The following ASNS variants were observed in gnomAD, a reference collection of about 807,000 sequenced individuals.
ASNS encodes the protein asparagine synthetase [glutamine-hydrolyzing].
Under a neutral mutation model 62.6 loss-of-function variants are expected in ASNS, and 37 were observed. The observed-to-expected ratio is 0.59, with a 90% CI of 0.45 to 0.78. ASNS has a LOEUF of 0.78. Ranked by LOEUF, ASNS falls within the 30% of genes least tolerant of loss-of-function variation. ASNS has a pLI of 0.00. For synonymous variants in ASNS, 207 were observed against 237.9 expected, an observed-to-expected ratio of 0.87 and a Z score of 1.19; for missense variants, 520 against 682.4, an observed-to-expected ratio of 0.76 and a Z score of 2.65.
Position 97,856,902 on chromosome 7 carries a change from T to C in ASNS, c.904-86A>G, listed in dbSNP as rs574181843. The C allele has an allele frequency of 6.8e-6, 9 of 1,322,132 alleles. No homozygotes were observed. In the African/African-American group the frequency reaches 1.2e-4, roughly 17 times the overall value. The allele number at this position is 1,322,132 out of a possible 1,614,324, so 81.9% of individuals were successfully genotyped here. On this transcript the variant is annotated intron_variant, in intron 7 of 12. Transcript: ENST00000394308. ...AACATGATGGGAGTTCACAAAGCTT[T>C]ATGAATTAACAATGGTGAAAACTAA...
In ASNS at chr7:97,851,677, T is replaced by C. The variant is rs7803055; in HGVS notation, c.*582A>G. 0.11 allele frequency: 17,270 copies of C among 152,824 alleles called. 1,048 individuals are homozygous for C. Among genetic ancestry groups the C allele is most frequent in the South Asian group, 0.21 (1,018 of 4,848 alleles). 9.5% of individuals were successfully genotyped at this position (152,824 alleles called of 1,614,324 possible). ...CAAAAGAGGTCCACAAAGCCTAAAA[T>C]ATTTACTATCTGGCTCTTTATTAAA... On this transcript the variant is annotated 3_prime_UTR_variant, in exon 13 of 13. Coordinates refer to ENST00000394308, the MANE Select transcript of ASNS (RefSeq NM_001673.5).
At chr7:97,879,771 G>C in the ASNS span, among the ~76,000 whole-genome samples, 1 of 152,200 alleles carries the variant, frequency 6.6e-6, no homozygotes, top group Non-Finnish European at 1.5e-5. Context: ...CAGAAACCAC[G>C]TAGTGATAAC....
intron 4 of ASNS, among the ~76,000 whole-genome samples, chr7:97,862,391 G>A (rs1466656100): frequency 1.3e-5 from 2 of 152,114 alleles, no homozygotes; most frequent in African/African-American, 2.4e-5. Flanking sequence ...ACTATTATAC[G>A]ACATTCTGGG....
intron 3 of ASNS, 122 bp from the exon 4 acceptor site, chr7:97,864,618 A>C: frequency 2.8e-6 from 2 of 707,840 alleles, no homozygotes; most frequent in Middle Eastern, 3.1e-4. Context: ...TTGGTGATTT[A>C]GGAGAATCAC....
At chr7:97,917,843 A>G in the ASNS span, among the ~76,000 whole-genome samples, 1 of 152,368 alleles carries the variant, frequency 6.6e-6, no homozygotes, top group South Asian at 2.1e-4. Context: ...ACACGTGCTG[A>G]CTGCGCACAA....
chr7:97,920,371 C>T, the ASNS span, among the ~76,000 whole-genome samples: 1 of 151,952 alleles, frequency 6.6e-6, no homozygotes, highest in African/African-American at 2.4e-5. Context: ...CCGTCCTGCC[C>T]CCCTCCAGAG....
chr7:97,891,020 G>A, the ASNS span, among the ~76,000 whole-genome samples: 28 of 152,132 alleles, frequency 1.8e-4, no homozygotes, highest in African/African-American at 6.8e-4. Context: ...AAGGAACAAA[G>A]GTGTATTAGT....
rs574765660 is a variant in ASNS at position 97,853,522 on chromosome 7, T to C, written c.1239-136A>G. On this transcript the variant is annotated intron_variant, in intron 10 of 12. Transcript: ENST00000394308. ...GTCATACAGTCACATACAAGCCTCCTAATGACTGCCCTACACTAATGAATA... is the reference window on the plus strand; with the variant it reads ...GTCATACAGTCACATACAAGCCTCCCAATGACTGCCCTACACTAATGAATA... The C allele has an allele frequency of 4.1e-4, 272 of 663,882 alleles. 1 individual carries two copies. The highest frequency in any genetic ancestry group is 6.4e-4 in the Non-Finnish European group (248 of 390,304). 41.1% of individuals were successfully genotyped at this position (663,882 alleles called of 1,614,324 possible).
At chr7:97,864,124 T>TA (rs1562820147) in intron 4 of ASNS, 135 bp downstream of exon 4, 8 of 738,678 alleles carry the variant, frequency 1.1e-5, no homozygotes, top group African/African-American at 5.3e-5. Flanking sequence ...TCTGTTTTTT[T>TA]AAAAAAAGGT....
chr7:97,897,561 T>C, the ASNS span, among the ~76,000 whole-genome samples: 1 of 152,126 alleles, frequency 6.6e-6, no homozygotes, highest in African/African-American at 2.4e-5. Flanking sequence ...CAATGAGATA[T>C]CATCACACAC....
the ASNS span, among the ~76,000 whole-genome samples, chr7:97,888,267 C>T: frequency 6.6e-6 from 1 of 152,142 alleles, no homozygotes; most frequent in East Asian, 1.9e-4. Context: ...AGCCACCACA[C>T]CCAGCCTCTT....
the ASNS span, among the ~76,000 whole-genome samples, chr7:97,889,314 C>T: frequency 3.9e-5 from 6 of 151,988 alleles, no homozygotes; most frequent in East Asian, 1.9e-4. Context: ...GTCAGGAGTT[C>T]GAGAGCAGCC....
the ASNS span, among the ~76,000 whole-genome samples, chr7:97,924,998 G>T: frequency 3.3e-5 from 5 of 152,094 alleles, no homozygotes; most frequent in Non-Finnish European, 5.9e-5. Context: ...TTAGCCAGGT[G>T]TGGTGGTGGG....
At chr7:97,910,467 T>C in the ASNS span, among the ~76,000 whole-genome samples, 1 of 152,140 alleles carries the variant, frequency 6.6e-6, no homozygotes, top group Non-Finnish European at 1.5e-5. Flanking sequence ...ATGGGCTTTA[T>C]TGGGATCAGA....
the ASNS span, among the ~76,000 whole-genome samples, chr7:97,880,268 G>A: frequency 1.3e-5 from 2 of 151,784 alleles, no homozygotes; most frequent in African/African-American, 4.8e-5. Flanking sequence ...GAGATCAAAG[G>A]TGTGCATCAC....
chr7:97,923,279 A>G, the ASNS span, among the ~76,000 whole-genome samples: 8 of 150,400 alleles, frequency 5.3e-5, no homozygotes, highest in South Asian at 1.7e-3. Flanking sequence ...GTGTTTGAAA[A>G]TATTTCATAA....
At chr7:97,856,035 AC>A (rs1013136434) in intron 8 of ASNS, among the ~76,000 whole-genome samples, 5 of 151,828 alleles carry the variant, frequency 3.3e-5, no homozygotes, top group African/African-American at 1.2e-4. Context: ...TCCTAACCTC[AC>A]CCCAGCCCCA....
At chr7:97,870,345 G>GT (rs926859538) in intron 1 of ASNS, 148 of 376,338 alleles carry the variant, frequency 3.9e-4, no homozygotes, top group South Asian at 9.7e-4. Flanking sequence ...CTATTTTGGT[G>GT]TTTTTTTTAA....
chr7:97,851,843 A>C lies in ASNS; in HGVS notation c.*416T>G, dbSNP rs1040477698. ...GTGATGAACTCCTATAGAAGATTCAAGTCTGAGTCTGCCTAGGCAGCTGTT... is the reference window on the plus strand; with the variant it reads ...GTGATGAACTCCTATAGAAGATTCACGTCTGAGTCTGCCTAGGCAGCTGTT... On this transcript the variant is annotated 3_prime_UTR_variant, in exon 13 of 13. Transcript: ENST00000394308. 1.5e-4 allele frequency: 27 copies of C among 184,352 alleles called. No homozygotes were observed. Among genetic ancestry groups the C allele is most frequent in the Non-Finnish European group, 1.9e-4 (17 of 87,564 alleles). The allele number at this position is 184,352 out of a possible 1,614,324, so 11.4% of individuals were successfully genotyped here.
Sources: gnomAD v4.1 joint callset for allele counts (sites outside exome capture counted in the v4.1 genomes callset) on GRCh38, gnomAD v4.1.1 for gene constraint, MANE v1.5 for transcripts, NCBI Gene and HGNC (gene_info 2026-07-23, HGNC 2026-07-21) for gene names.